The following LTBP1 variants were observed in gnomAD, a reference collection of about 807,000 sequenced individuals.
The protein encoded by LTBP1 is latent-transforming growth factor beta-binding protein 1.
A neutral mutation model predicts 207.6 loss-of-function variants in LTBP1; 129 were observed. The ratio of observed to expected loss-of-function variants is 0.62; its 90% CI spans 0.54 to 0.72. LTBP1 has a LOEUF of 0.72. Ranked by LOEUF, LTBP1 falls within the 30% of genes least tolerant of loss-of-function variation. The probability of loss-of-function intolerance (pLI) is 0.00; values close to 1 mark genes in which losing one functional copy is unlikely to be tolerated. For synonymous variants in LTBP1, 963 were observed against 833.7 expected (o/e 1.16, Z -2.67); for missense variants, 2,281 against 2,217.2 (o/e 1.03, Z -0.58).
chr2:32,948,987 G>A (rs750701861), intron 2 of LTBP1, 42 bp downstream of exon 2: 82 of 1,597,980 alleles, frequency 5.1e-5, no homozygotes, highest in Non-Finnish European at 7.0e-5. Flanking sequence ...AGTAGGCAAA[G>A]TGGGGGGAGG....
intron 5 of LTBP1, among the ~76,000 whole-genome samples, chr2:33,163,842 C>T (rs765982996): frequency 6.6e-6 from 1 of 152,078 alleles, no homozygotes; most frequent in South Asian, 2.1e-4. Context: ...CAGAAATAGA[C>T]TAGAATGGCC....
rs186092457 is a variant in LTBP1, at chr2:33,110,397, G to A, written c.864-185G>A. Among the ~76,000 whole-genome samples, 446 of 152,268 alleles carry A rather than the reference G, an allele frequency of 2.9e-3. 5 individuals are homozygous for A. The highest frequency in any genetic ancestry group is 0.01 in the African/African-American group (420 of 41,556). On this transcript the variant is annotated intron_variant, in intron 3 of 33. Transcript: ENST00000404816. ...TTTTTCGTGAAGGACGCTTCTGAGC[G>A]TAAGCCATCATTTACCTCCTTCTAT...
At chr2:33,233,766 A>G (rs954289676) in intron 9 of LTBP1, among the ~76,000 whole-genome samples, 4 of 152,008 alleles carry the variant, frequency 2.6e-5, no homozygotes, top group Non-Finnish European at 4.4e-5. Flanking sequence ...CCTTTTTCTA[A>G]TATTAGTAAA....
intron 19 of LTBP1, among the ~76,000 whole-genome samples, chr2:33,287,096 AAACAACAAC>A (rs60436290): frequency 0.018 from 2,654 of 151,496 alleles, 84 homozygotes; most frequent in African/African-American, 0.06. Context: ...AATAAAATAA[AAACAACAAC>A]AACAACAACA....
intron 3 of LTBP1, among the ~76,000 whole-genome samples, chr2:33,073,405 C>G (rs1188447564): frequency 1.3e-5 from 2 of 151,508 alleles, no homozygotes; most frequent in Non-Finnish European, 2.9e-5. Flanking sequence ...TGTGCACTTT[C>G]AATATTGTAT....
intron 2 of LTBP1, among the ~76,000 whole-genome samples, chr2:32,988,152 G>T (rs1281857016): frequency 6.6e-6 from 1 of 152,204 alleles, no homozygotes; most frequent in African/African-American, 2.4e-5. Flanking sequence ...GTGAAACCTT[G>T]ATTTCATCCC....
chr2:33,182,402 C>A (rs1390080512), intron 5 of LTBP1, among the ~76,000 whole-genome samples: 1 of 151,888 alleles, frequency 6.6e-6, no homozygotes, highest in Non-Finnish European at 1.5e-5. Context: ...GTGGCTCACA[C>A]CTGTAATCTC....
At chr2:33,114,864 A>C (rs1216244047) in intron 4 of LTBP1, among the ~76,000 whole-genome samples, 1 of 152,162 alleles carries the variant, frequency 6.6e-6, no homozygotes, top group Non-Finnish European at 1.5e-5. Context: ...ATATAGAGTT[A>C]TCATATAACC....
At chr2:33,259,180 G>A (rs1573476265) in intron 12 of LTBP1, among the ~76,000 whole-genome samples, 1 of 152,178 alleles carries the variant, frequency 6.6e-6, no homozygotes, top group East Asian at 1.9e-4. Context: ...CTTGACACCA[G>A]AAAGCATTTC....
At position 33,326,640 on chromosome 2, in the gene LTBP1, A is replaced by AATTAATTTATTTATTTATTTATTTATTT. The variant is rs1553502915; in HGVS notation, c.3730+11374_3730+11375insAATTTATTTATTTATTTATTTATTTATT. The stretch of plus-strand genomic sequence containing the variant: ...TACTGAAAATGAGAATGAGGGATAT[A>AATTAATTTATTTATTTATTTATTTATTT]ATTTATTTATTTATTTATTTATTTA... On this transcript the variant is annotated intron_variant, in intron 24 of 33. Coordinates refer to ENST00000404816, the MANE Select transcript of LTBP1 (RefSeq NM_206943.4). Among the ~76,000 whole-genome samples the AATTAATTTATTTATTTATTTATTTATTT allele has an allele frequency of 1.5e-3, 211 of 144,654 alleles. 2 individuals are homozygous for AATTAATTTATTTATTTATTTATTTATTT. The highest frequency in any genetic ancestry group is 5.2e-3 in the African/African-American group (201 of 38,650). The allele number at this position is 144,654 out of a possible 152,430, so 94.9% of individuals were successfully genotyped here.
intron 13 of LTBP1, among the ~76,000 whole-genome samples, chr2:33,260,544 A>G (rs1645454461): frequency 6.6e-6 from 1 of 152,220 alleles, no homozygotes; most frequent in African/African-American, 2.4e-5. Flanking sequence ...AAATCTTATA[A>G]TTATGGGATA....
At chr2:33,135,303 C>G (rs2082053764) in intron 5 of LTBP1, among the ~76,000 whole-genome samples, 1 of 151,910 alleles carries the variant, frequency 6.6e-6, no homozygotes. Flanking sequence ...TTTTATCAGC[C>G]CAGTGATAAG....
intron 3 of LTBP1, among the ~76,000 whole-genome samples, chr2:33,023,486 T>C (rs1450310640): frequency 6.6e-6 from 1 of 152,190 alleles, no homozygotes; most frequent in East Asian, 1.9e-4. Flanking sequence ...ATAAAGTCAT[T>C]AGGCAGTTTG....
chr2:33,236,306 C>T (rs999165172), intron 9 of LTBP1, among the ~76,000 whole-genome samples: 4 of 152,170 alleles, frequency 2.6e-5, no homozygotes, highest in African/African-American at 9.7e-5. Flanking sequence ...TTACAGTGGT[C>T]AATGGCTCAG....
At chr2:33,016,646 A>G (rs1489342623) in intron 2 of LTBP1, among the ~76,000 whole-genome samples, 1 of 152,004 alleles carries the variant, frequency 6.6e-6, no homozygotes, top group African/African-American at 2.4e-5. Context: ...CTCAGCCTCC[A>G]CTCATCGAGC....
chr2:33,304,255 A>G (rs542989716), intron 22 of LTBP1, among the ~76,000 whole-genome samples: 1 of 152,320 alleles, frequency 6.6e-6, no homozygotes, highest in African/African-American at 2.4e-5. Flanking sequence ...CAACTAATTT[A>G]GAGCTCCCTT....
At chr2:33,285,035 CTTTTTTTTTTTTT>C (rs934497674) in intron 19 of LTBP1, among the ~76,000 whole-genome samples, 2 of 120,126 alleles carry the variant, frequency 1.7e-5, no homozygotes, top group African/African-American at 6.4e-5. Context: ...GTATCACATT[CTTTTTTTTTTTTT>C]TTTTTTTTCT....
chr2:33,071,467 G>C (rs2077783167), intron 3 of LTBP1, among the ~76,000 whole-genome samples: 1 of 152,168 alleles, frequency 6.6e-6, no homozygotes, highest in Non-Finnish European at 1.5e-5. Context: ...GGACTACCAG[G>C]CAGTGGGATC....
intron 3 of LTBP1, among the ~76,000 whole-genome samples, chr2:33,086,048 C>G (rs2078739701): frequency 1.3e-5 from 2 of 152,216 alleles, no homozygotes; most frequent in South Asian, 4.1e-4. Context: ...CAGTGATAAT[C>G]ACAAAGCTAC....
Sources: allele counts gnomAD v4.1 joint callset (sites outside exome capture counted in the v4.1 genomes callset), GRCh38; gene constraint gnomAD v4.1.1; transcripts MANE v1.5; gene names NCBI Gene and HGNC (gene_info 2026-07-23, HGNC 2026-07-21).